The following EGFLAM variants were observed in gnomAD, a reference collection of about 807,000 sequenced individuals.
EGFLAM encodes pikachurin.
Under a neutral mutation model 113.1 loss-of-function variants are expected in EGFLAM, and 79 were observed. The ratio of observed to expected loss-of-function variants is 0.70; its 90% CI spans 0.58 to 0.84. The LOEUF (loss-of-function observed/expected upper bound fraction) is 0.84, where lower values mean the gene tolerates loss of function less well. EGFLAM is among the 40% of genes least tolerant of loss of function. The pLI, the probability that EGFLAM is intolerant of heterozygous loss-of-function variation, is 0.00. For synonymous variants in EGFLAM, 504 were observed against 487.6 expected, an observed-to-expected ratio of 1.03 and a Z score of -0.44; for missense variants, 1,265 against 1,291.6, an observed-to-expected ratio of 0.98 and a Z score of 0.32.
chr5:38,353,070 A>G (rs1739674043), intron 5 of EGFLAM, among the ~76,000 whole-genome samples: 1 of 152,206 alleles, frequency 6.6e-6, no homozygotes, highest in Admixed American at 6.5e-5. Context: ...TCACGTCCGT[A>G]TTGCCTTGGG....
chr5:38,292,264 G>A (rs1456344758), intron 1 of EGFLAM, among the ~76,000 whole-genome samples: 4 of 152,052 alleles, frequency 2.6e-5, no homozygotes, highest in Non-Finnish European at 2.9e-5. Flanking sequence ...ACAAAAAAAA[G>A]CATTTTCTTT....
intron 1 of EGFLAM, among the ~76,000 whole-genome samples, chr5:38,262,077 A>G (rs906278401): frequency 6.6e-6 from 1 of 152,198 alleles, no homozygotes; most frequent in Non-Finnish European, 1.5e-5. Flanking sequence ...TCATTTTGCA[A>G]TGAGGTTGAG....
At chr5:38,462,399 C>T (rs1362427994) in intron 20 of EGFLAM, among the ~76,000 whole-genome samples, 2 of 152,120 alleles carry the variant, frequency 1.3e-5, no homozygotes, top group Non-Finnish European at 2.9e-5. Context: ...AGCGGTTGAC[C>T]GTTTGCTTGG....
At chr5:38,296,220 C>T (rs751585200) in intron 1 of EGFLAM, among the ~76,000 whole-genome samples, 9 of 152,048 alleles carry the variant, frequency 5.9e-5, no homozygotes, top group East Asian at 1.9e-4. Flanking sequence ...GGAGCCAAGG[C>T]GGAAAGAAAG....
At chr5:38,421,442 T>C (rs1741819743) in intron 12 of EGFLAM, among the ~76,000 whole-genome samples, 1 of 152,174 alleles carries the variant, frequency 6.6e-6, no homozygotes, top group Non-Finnish European at 1.5e-5. Context: ...CCCAGGGTAT[T>C]TGAGATTCAG....
intron 14 of EGFLAM, among the ~76,000 whole-genome samples, chr5:38,428,376 A>T (rs1449787535): frequency 6.6e-6 from 1 of 152,216 alleles, no homozygotes; most frequent in Non-Finnish European, 1.5e-5. Context: ...TTGTGGCTGA[A>T]TTCCTGCACA....
chr5:38,402,437 G>A (rs1741145261), intron 6 of EGFLAM, among the ~76,000 whole-genome samples: 1 of 152,140 alleles, frequency 6.6e-6, no homozygotes, highest in Admixed American at 6.6e-5. Flanking sequence ...ATTAACTTAA[G>A]CGATGTATGA....
In EGFLAM at chr5:38,435,238, C is replaced by T. The variant is rs146527339; in HGVS notation, c.2268C>T (p.Ser756=). The part of the protein sequence containing the change: ...KKNSGVLKPF[S]GSIQKIILND... Reference sequence around the variant, plus strand: ...ACTCGGGTGTCCTGAAGCCTTTCAGCGGGAGCATCCAGAAGGTACAGGCAT... The same window carrying T: ...ACTCGGGTGTCCTGAAGCCTTTCAGTGGGAGCATCCAGAAGGTACAGGCAT... The change falls in exon 16 of 22, where the codon AGC becomes AGT. Residue 756 remains serine (S), a synonymous_variant. Coordinates refer to ENST00000322350, the MANE Select transcript of EGFLAM (RefSeq NM_152403.4). 91 of 1,613,764 alleles carry T rather than the reference C, an allele frequency of 5.6e-5. No individual in the cohort carries two copies. Among genetic ancestry groups the T allele is most frequent in the Admixed American group, 4.7e-4 (28 of 60,014 alleles).
At chr5:38,290,560 T>G (rs1758298970) in intron 1 of EGFLAM, 1 of 152,032 alleles carries the variant, frequency 6.6e-6, no homozygotes, top group South Asian at 2.1e-4. Context: ...CTACTGGAGA[T>G]AGCTCTGTGC....
intron 6 of EGFLAM, among the ~76,000 whole-genome samples, chr5:38,374,657 G>A (rs1422066414): frequency 6.6e-6 from 1 of 152,196 alleles, no homozygotes. Context: ...TTCCTAAACC[G>A]TAATTTCTAA....
intron 6 of EGFLAM, among the ~76,000 whole-genome samples, chr5:38,396,991 A>G (rs1740978491): frequency 6.6e-6 from 1 of 152,166 alleles, no homozygotes; most frequent in Non-Finnish European, 1.5e-5. Context: ...ATGTACTTCA[A>G]AAGGCAACAC....
chr5:38,386,497 A>G (rs1740666307), intron 6 of EGFLAM, among the ~76,000 whole-genome samples: 1 of 150,150 alleles, frequency 6.7e-6, no homozygotes. Flanking sequence ...CCAGCCCACA[A>G]ATACTTATTT....
At chr5:38,312,531 C>T (rs1026134330) in intron 1 of EGFLAM, among the ~76,000 whole-genome samples, 14 of 152,136 alleles carry the variant, frequency 9.2e-5, no homozygotes, top group Non-Finnish European at 1.3e-4. Context: ...TGAGCCACCG[C>T]GCCTGGCCAC....
chr5:38,279,056 A>G (rs1579718371), intron 1 of EGFLAM, among the ~76,000 whole-genome samples: 1 of 152,316 alleles, frequency 6.6e-6, no homozygotes, highest in African/African-American at 2.4e-5. Flanking sequence ...TAGGCAAAAG[A>G]TCTGAATAGA....
intron 17 of EGFLAM, among the ~76,000 whole-genome samples, chr5:38,444,550 C>T (rs540812271): frequency 1.9e-4 from 29 of 152,164 alleles, no homozygotes; most frequent in Non-Finnish European, 3.7e-4. Context: ...TGTATCAAAA[C>T]ATCACTATGT....
intron 1 of EGFLAM, among the ~76,000 whole-genome samples, chr5:38,332,422 T>C (rs1739069530): frequency 6.6e-6 from 1 of 152,138 alleles, no homozygotes; most frequent in Non-Finnish European, 1.5e-5. Flanking sequence ...ATATTTTTAC[T>C]CATCTCCCTC....
chr5:38,270,820 G>A (rs1387825183), intron 1 of EGFLAM, among the ~76,000 whole-genome samples: 2 of 152,102 alleles, frequency 1.3e-5, no homozygotes, highest in Non-Finnish European at 2.9e-5. Context: ...TACATAATGG[G>A]CATTCCAATG....
intron 6 of EGFLAM, among the ~76,000 whole-genome samples, chr5:38,371,790 G>A (rs1022063870): frequency 2.0e-5 from 3 of 152,182 alleles, no homozygotes; most frequent in African/African-American, 7.2e-5. Flanking sequence ...AAGAAATGTT[G>A]ATGATTCGAT....
intron 1 of EGFLAM, among the ~76,000 whole-genome samples, chr5:38,291,812 C>T (rs1307350190): frequency 2.0e-5 from 3 of 152,164 alleles, no homozygotes; most frequent in African/African-American, 7.2e-5. Context: ...CAGAGTTGCA[C>T]TTTTCATAGT....
Sources: allele counts gnomAD v4.1 joint callset (sites outside exome capture counted in the v4.1 genomes callset), GRCh38; gene constraint gnomAD v4.1.1; transcripts MANE v1.5; gene names NCBI Gene and HGNC (gene_info 2026-07-23, HGNC 2026-07-21).